GRID1: variants seen among roughly 807,000 people sequenced by gnomAD.
GRID1 encodes glutamate receptor ionotropic, delta-1.
Under a neutral mutation model 98.0 loss-of-function variants are expected in GRID1, and 28 were observed. The ratio of observed to expected loss-of-function variants is 0.29; its 90% CI spans 0.21 to 0.39. The LOEUF (loss-of-function observed/expected upper bound fraction) is 0.39, where lower values mean the gene tolerates loss of function less well. GRID1 is among the 10% of genes least tolerant of loss of function. GRID1 has a pLI of 1.00. For missense variants in GRID1, 1,111 were observed against 1,340.5 expected (o/e 0.83, Z 2.67); for synonymous variants, 553 against 538.5 (o/e 1.03, Z -0.37).
intron 4 of GRID1, among the ~76,000 whole-genome samples, chr10:86,006,608 C>T (rs534135096): frequency 9.2e-4 from 139 of 150,652 alleles, no homozygotes; most frequent in Non-Finnish European, 1.7e-3. Flanking sequence ...CAGAGCGAGA[C>T]GCCGTCTAAA....
At chr10:85,798,138 T>G (rs2132749435) in intron 8 of GRID1, among the ~76,000 whole-genome samples, 2 of 152,348 alleles carry the variant, frequency 1.3e-5, no homozygotes, top group Admixed American at 1.3e-4. Context: ...GCAATGGGAT[T>G]GCTGAGTTGA....
intron 12 of GRID1, among the ~76,000 whole-genome samples, chr10:85,705,602 G>C (rs1255915432): frequency 2.6e-5 from 4 of 152,120 alleles, no homozygotes; most frequent in African/African-American, 9.7e-5. Context: ...TCCCTAACTC[G>C]TTTTATGAGG....
intron 8 of GRID1, among the ~76,000 whole-genome samples, chr10:85,763,156 GAC>G (rs1842162280): frequency 6.6e-6 from 1 of 152,118 alleles, no homozygotes; most frequent in South Asian, 2.1e-4. Context: ...TTTTGCCAGT[GAC>G]CCCAAGTCAG....
intron 8 of GRID1, among the ~76,000 whole-genome samples, chr10:85,823,326 TA>T (rs1842790295): frequency 6.6e-6 from 1 of 152,140 alleles, no homozygotes; most frequent in East Asian, 1.9e-4. Flanking sequence ...TCAATCAAGT[TA>T]TTGAAAAATC....
At chr10:85,895,012 A>ATAT (rs1269376668) in intron 5 of GRID1, among the ~76,000 whole-genome samples, 73 of 115,954 alleles carry the variant, frequency 6.3e-4, no homozygotes, top group East Asian at 4.2e-3. Flanking sequence ...AAAAAAAAAA[A>ATAT]AAAAATATAT....
chr10:85,983,986 T>G (rs150852113), intron 4 of GRID1, among the ~76,000 whole-genome samples: 1 of 152,164 alleles, frequency 6.6e-6, no homozygotes, highest in East Asian at 1.9e-4. Context: ...CCTTCCCTGC[T>G]CCTCCATCTC....
At chr10:86,202,363 C>T (rs550808951) in intron 3 of GRID1, among the ~76,000 whole-genome samples, 1 of 152,392 alleles carries the variant, frequency 6.6e-6, no homozygotes, top group Admixed American at 6.5e-5. Context: ...ATCATAATTA[C>T]AACCTTCATC....
rs1590152798 is a variant in GRID1, at chr10:85,602,106, C to T, written c.*167G>A. 1 of 486,778 alleles carries T rather than the reference C, an allele frequency of 2.1e-6. No homozygotes were observed. Among genetic ancestry groups the T allele is most frequent in the Admixed American group, 3.7e-5 (1 of 26,788 alleles). 30.2% of individuals were successfully genotyped at this position (486,778 alleles called of 1,614,324 possible). A position where few individuals can be genotyped will look rare whatever the true frequency, so the allele number is the denominator to read the frequency against. ...TGGGAATATTCAAAATACACTTTTA[C>T]CCCACTCCATTCTGTCATTATTTAC... is the stretch of plus-strand genomic sequence containing the variant. On this transcript the variant is annotated 3_prime_UTR_variant, in exon 16 of 16. Transcript: ENST00000327946.
intron 4 of GRID1, among the ~76,000 whole-genome samples, chr10:86,016,541 T>C (rs865856446): frequency 1.3e-5 from 2 of 152,144 alleles, no homozygotes; most frequent in Non-Finnish European, 2.9e-5. Context: ...TTGGGTAGAC[T>C]TTTTCTGTCT....
At chr10:86,364,485 C>T (rs1262263179) in intron 1 of GRID1, among the ~76,000 whole-genome samples, 1 of 152,202 alleles carries the variant, frequency 6.6e-6, no homozygotes, top group Non-Finnish European at 1.5e-5. Flanking sequence ...AAATCCCATC[C>T]CAGGAGCCAG....
chr10:85,707,499 T>C (rs1261982698), intron 12 of GRID1, among the ~76,000 whole-genome samples: 1 of 152,172 alleles, frequency 6.6e-6, no homozygotes, highest in African/African-American at 2.4e-5. Flanking sequence ...ATAGGAACAC[T>C]TTTACACTGT....
intron 4 of GRID1, among the ~76,000 whole-genome samples, chr10:86,053,624 G>A (rs1371929823): frequency 6.6e-6 from 1 of 152,192 alleles, no homozygotes; most frequent in African/African-American, 2.4e-5. Flanking sequence ...AAAGTGCTGG[G>A]ATTACAGGCA....
At chr10:85,840,419 A>C (rs1377890106) in intron 8 of GRID1, among the ~76,000 whole-genome samples, 2 of 152,134 alleles carry the variant, frequency 1.3e-5, no homozygotes, top group African/African-American at 4.8e-5. Context: ...CCCCTTGAAA[A>C]CTGGCACAAG....
intron 2 of GRID1, among the ~76,000 whole-genome samples, chr10:86,227,035 C>T (rs747517241): frequency 1.3e-5 from 2 of 152,192 alleles, no homozygotes; most frequent in African/African-American, 2.4e-5. Context: ...CTGAGCTGTG[C>T]GCCTGCAGCT....
intron 4 of GRID1, among the ~76,000 whole-genome samples, chr10:85,958,957 CAAAAAA>C (rs199786360): frequency 1.4e-4 from 14 of 99,284 alleles, no homozygotes. Flanking sequence ...AACTCCGTCT[CAAAAAA>C]AAAAAAAAAG....
intron 4 of GRID1, among the ~76,000 whole-genome samples, chr10:86,087,695 A>G (rs1248809988): frequency 1.3e-5 from 2 of 152,076 alleles, no homozygotes; most frequent in African/African-American, 4.8e-5. Context: ...GTCCCTGTCC[A>G]CACAATCTCC....
chr10:86,315,227 A>G (rs10887576), intron 2 of GRID1, among the ~76,000 whole-genome samples: 80,098 of 152,084 alleles, frequency 0.53, 24,400 homozygotes, highest in Non-Finnish European at 0.68. Context: ...TGGAGACCCC[A>G]TAAAGCAAAG....
chr10:85,846,623 A>G (rs980243231), intron 8 of GRID1, among the ~76,000 whole-genome samples: 9 of 152,084 alleles, frequency 5.9e-5, no homozygotes, highest in African/African-American at 9.7e-5. Flanking sequence ...TAGTTCTTTG[A>G]AAAAAAATCA....
intron 2 of GRID1, among the ~76,000 whole-genome samples, chr10:86,211,736 G>A (rs555422880): frequency 6.6e-6 from 1 of 152,178 alleles, no homozygotes; most frequent in East Asian, 1.9e-4. Flanking sequence ...CACAGAGAGT[G>A]CTAGTTGCTT....
Sources: allele counts gnomAD v4.1 joint callset (sites outside exome capture counted in the v4.1 genomes callset), GRCh38; gene constraint gnomAD v4.1.1; transcripts MANE v1.5; gene names NCBI Gene and HGNC (gene_info 2026-07-23, HGNC 2026-07-21).